The following RIMKLB variants were observed in gnomAD, a reference collection of about 807,000 sequenced individuals.
The protein encoded by RIMKLB is ribosomal modification protein rimK like family member B, also known as beta-citrylglutamate synthase B.
RIMKLB carries 7 observed loss-of-function variants against 32.0 expected under a neutral mutation model. The ratio of observed to expected loss-of-function variants is 0.22; its 90% CI spans 0.12 to 0.41. RIMKLB has a LOEUF of 0.41. Ranked by LOEUF, RIMKLB falls within the 10% of genes least tolerant of loss-of-function variation. RIMKLB has a pLI of 1.00. For synonymous variants in RIMKLB, 172 were observed against 185.1 expected, an observed-to-expected ratio of 0.93 and a Z score of 0.57; for missense variants, 289 against 498.7, an observed-to-expected ratio of 0.58 and a Z score of 4.00.
chr12:8,780,223 T>C (rs1592057558), downstream of RIMKLB: 4 of 152,336 alleles, frequency 2.6e-5, no homozygotes, highest in South Asian at 8.3e-4. Context: ...GTAGGAGTTG[T>C]AGACTACCTA....
In RIMKLB at chr12:8,702,100, T is replaced by G. The variant is rs781212461; in HGVS notation, c.-57+3803T>G. 2.0e-5 allele frequency among the ~76,000 whole-genome samples: 3 copies of G among 152,346 alleles called. No homozygotes were observed. The South Asian group carries it at 6.2e-4, about 32-fold the overall frequency. On this transcript the variant is annotated intron_variant, in intron 1 of 5. Transcript: ENST00000535829. Reference sequence around the variant, plus strand: ...GATTTTTTGATACTCTCTTACAATTTGATATAGCAGATTATTAAAATATGT... The same window carrying G: ...GATTTTTTGATACTCTCTTACAATTGGATATAGCAGATTATTAAAATATGT...
At chr12:8,782,717 G>T (rs111491326) in intron 7 of RIMKLB, among the ~76,000 whole-genome samples, 1 of 151,942 alleles carries the variant, frequency 6.6e-6, no homozygotes, top group Non-Finnish European at 1.5e-5. Context: ...CAGAATCAGA[G>T]TATATCTTTG....
intron 1 of RIMKLB, among the ~76,000 whole-genome samples, chr12:8,691,907 C>T (rs922736658): frequency 6.6e-6 from 1 of 152,116 alleles, no homozygotes; most frequent in Non-Finnish European, 1.5e-5. Flanking sequence ...CAGATGCACA[C>T]AGCCCTTATG....
At chr12:8,684,266 C>A (rs762765049) in intron 1 of RIMKLB, among the ~76,000 whole-genome samples, 1 of 151,676 alleles carries the variant, frequency 6.6e-6, no homozygotes, top group Non-Finnish European at 1.5e-5. Flanking sequence ...CTCTGCCTCC[C>A]GGTTCAAGCG....
chr12:8,739,658 G>A (rs1258975027), intron 2 of RIMKLB, among the ~76,000 whole-genome samples: 3 of 152,100 alleles, frequency 2.0e-5, no homozygotes, highest in Admixed American at 6.5e-5. Context: ...TTTTTTTGTA[G>A]AGACGAGGTC....
chr12:8,701,097 T>C (rs1201526324), intron 1 of RIMKLB, among the ~76,000 whole-genome samples: 2 of 152,062 alleles, frequency 1.3e-5, no homozygotes, highest in East Asian at 3.8e-4. Context: ...TAATACGTTA[T>C]TAGAATCTGA....
chr12:8,763,488 A>C (rs889937335), intron 5 of RIMKLB, among the ~76,000 whole-genome samples: 2 of 152,236 alleles, frequency 1.3e-5, no homozygotes, highest in African/African-American at 4.8e-5. Context: ...ATTCAGCAGA[A>C]GCCTGTTATG....
chr12:8,777,615 T>TACAA (rs777445293), downstream of RIMKLB: 29 of 1,288,888 alleles, frequency 2.3e-5, no homozygotes, highest in Non-Finnish European at 2.9e-5. Context: ...AAAAAACAAA[T>TACAA]ACAAACAAAC....
chr12:8,725,830 AG>A (rs1376175743), intron 2 of RIMKLB, among the ~76,000 whole-genome samples: 1 of 152,164 alleles, frequency 6.6e-6, no homozygotes, highest in Non-Finnish European at 1.5e-5. Context: ...ACTGTCTTCC[AG>A]GGTGGTTGTA....
intron 2 of RIMKLB, among the ~76,000 whole-genome samples, chr12:8,724,480 G>A (rs192508676): frequency 7.9e-4 from 121 of 152,288 alleles, no homozygotes; most frequent in African/African-American, 2.6e-3. Flanking sequence ...AAGTGTTCGT[G>A]TTTGTGTAAT....
At chr12:8,711,079 C>G (rs745776924) in intron 1 of RIMKLB, among the ~76,000 whole-genome samples, 5 of 150,938 alleles carry the variant, frequency 3.3e-5, no homozygotes, top group Non-Finnish European at 5.9e-5. Flanking sequence ...GAGAAAAGTA[C>G]GAAAATTAGC....
chr12:8,670,026 CA>C, the RIMKLB span, among the ~76,000 whole-genome samples: 1,098 of 36,936 alleles, frequency 0.03, 3 homozygotes, highest in African/African-American at 0.092. Flanking sequence ...GACTCCGTCT[CA>C]AAAAAAAAAA....
chr12:8,772,021 C>T (rs899152950), intron 5 of RIMKLB, among the ~76,000 whole-genome samples: 14 of 152,068 alleles, frequency 9.2e-5, no homozygotes, highest in African/African-American at 2.2e-4. Flanking sequence ...CCTGAGTAGC[C>T]GGAACTATAG....
chr12:8,690,163 A>C (rs763116245), intron 1 of RIMKLB, among the ~76,000 whole-genome samples: 12 of 152,188 alleles, frequency 7.9e-5, no homozygotes, highest in Non-Finnish European at 1.5e-4. Flanking sequence ...GTTCGAGAAA[A>C]AGCATAATTG....
chr12:8,733,305 CA>C (rs199919674), intron 2 of RIMKLB, among the ~76,000 whole-genome samples: 3,289 of 112,870 alleles, frequency 0.029, 37 homozygotes, highest in African/African-American at 0.051. Flanking sequence ...CTTGTTAAAG[CA>C]AAAAAAAAAA....
chr12:8,700,490 G>C (rs187515006), intron 1 of RIMKLB: 1 of 152,282 alleles, frequency 6.6e-6, no homozygotes, highest in African/African-American at 2.4e-5. Flanking sequence ...AGCAGGAGTA[G>C]CTTTTATCAT....
rs142164786 is a variant in RIMKLB, at chr12:8,771,920, G to A, written c.698-1401G>A. ...GTTTTTGTTTTTGAGATGGAGTCTC[G>A]TTCTGTCGCCCAGGCTGGAGTGCAG... On this transcript the variant is annotated intron_variant, in intron 5 of 5. Coordinates refer to ENST00000535829, the MANE Select transcript of RIMKLB (RefSeq NM_001297776.2). Among the ~76,000 whole-genome samples, 148 of 152,064 alleles carry A rather than the reference G, an allele frequency of 9.7e-4. 2 individuals are homozygous for A. The East Asian group carries it at 0.017, about 17-fold the overall frequency.
intron 2 of RIMKLB, among the ~76,000 whole-genome samples, chr12:8,734,607 T>A (rs974875791): frequency 1.3e-5 from 2 of 152,200 alleles, no homozygotes; most frequent in South Asian, 4.1e-4. Context: ...TTAGTGGTAC[T>A]CATGGGTGTA....
In RIMKLB at chr12:8,773,714, C is replaced by G. The variant is rs777168606; in HGVS notation, c.1091C>G (p.Thr364Ser). The G allele has an allele frequency of 6.8e-6, 11 of 1,614,138 alleles. No individual in the cohort carries two copies. The highest frequency in any genetic ancestry group is 1.7e-5 in the Admixed American group (1 of 60,012). The change falls in exon 6 of 6, where the codon ACC becomes AGC. Residue 364 changes from threonine to serine, a missense_variant. Thr to Ser is a moderately conservative substitution (Grantham distance 58, BLOSUM62 1). Around this residue, in one of 3 missense-constraint regions of RIMKLB, gnomAD observed 99 missense variants for 133.9 expected, o/e 0.74. Transcript: ENST00000535829. Reference sequence around the variant, plus strand: ...GAAAGCACGGAGCGAGAGCTGCTCACCAAGCTCCCAGGGGGCCTGTTCAAC... The same window carrying G: ...GAAAGCACGGAGCGAGAGCTGCTCAGCAAGCTCCCAGGGGGCCTGTTCAAC... Reference protein sequence around the residue: ...DPESTERELLTKLPGGLFNMN... With the variant: ...DPESTERELLSKLPGGLFNMN...
Sources: gnomAD v4.1 joint callset for allele counts (sites outside exome capture counted in the v4.1 genomes callset) on GRCh38, gnomAD v4.1.1 for gene constraint, gnomAD v4.1.1 regional missense constraint, MANE v1.5 for transcripts, NCBI Gene and HGNC (gene_info 2026-07-23, HGNC 2026-07-21) for gene names.